GALNT13: variants seen among roughly 807,000 people sequenced by gnomAD.
The protein encoded by GALNT13 is polypeptide N-acetylgalactosaminyltransferase 13.
GALNT13 carries 28 observed loss-of-function variants against 64.2 expected under a neutral mutation model. That is an observed-to-expected ratio of 0.44 (90% CI 0.32 to 0.60). GALNT13 has a LOEUF of 0.60. Among genes scored for constraint, GALNT13 ranks in the 20% least tolerant of loss-of-function variants. GALNT13 has a pLI of 0.05. For missense variants in GALNT13, 577 were observed against 669.8 expected, an observed-to-expected ratio of 0.86 and a Z score of 1.53; for synonymous variants, 214 against 224.6, an observed-to-expected ratio of 0.95 and a Z score of 0.42.
chr2:153,975,317 T>C (rs1326457591), intron 3 of GALNT13, among the ~76,000 whole-genome samples: 1 of 152,060 alleles, frequency 6.6e-6, no homozygotes, highest in African/African-American at 2.4e-5. Flanking sequence ...GCTCCTTTTT[T>C]ACTGGTGCTT....
chr2:154,296,117 C>G (rs1295673499), intron 8 of GALNT13, among the ~76,000 whole-genome samples: 5 of 152,156 alleles, frequency 3.3e-5, no homozygotes, highest in Non-Finnish European at 5.9e-5. Context: ...CTCATTCTTT[C>G]TTTTCTATGT....
chr2:154,415,644 AATTGAATCTAATCTT>A (rs1366062903), intron 11 of GALNT13, among the ~76,000 whole-genome samples: 1 of 152,170 alleles, frequency 6.6e-6, no homozygotes, highest in East Asian at 1.9e-4. Flanking sequence ...TGATTACTTA[AATTGAATCTAATCTT>A]ATGACAGGTG....
the GALNT13 span, among the ~76,000 whole-genome samples, chr2:153,172,629 C>T: frequency 6.6e-6 from 1 of 152,232 alleles, no homozygotes; most frequent in East Asian, 1.9e-4. Flanking sequence ...AGTTGATAGC[C>T]AGCAGGGTCA....
intron 4 of GALNT13, among the ~76,000 whole-genome samples, chr2:154,239,588 C>G (rs1234898131): frequency 6.6e-6 from 1 of 152,094 alleles, no homozygotes; most frequent in Non-Finnish European, 1.5e-5. Flanking sequence ...CTTGGAGATA[C>G]AAGTCAAATG....
At chr2:153,502,809 G>A in the GALNT13 span, among the ~76,000 whole-genome samples, 1 of 152,036 alleles carries the variant, frequency 6.6e-6, no homozygotes, top group Admixed American at 6.6e-5. Flanking sequence ...ATCACATTGT[G>A]GTTTTCATTT....
chr2:154,059,976 G>C (rs988808544), intron 3 of GALNT13, among the ~76,000 whole-genome samples: 2 of 152,184 alleles, frequency 1.3e-5, no homozygotes, highest in African/African-American at 2.4e-5. Flanking sequence ...AATCCCTACT[G>C]TGATGGTATT....
At chr2:153,272,063 T>C in the GALNT13 span, among the ~76,000 whole-genome samples, 2 of 152,138 alleles carry the variant, frequency 1.3e-5, no homozygotes, top group African/African-American at 2.4e-5. Context: ...TGGCTAGCCA[T>C]ATGCAGAAAA....
At chr2:153,764,652 A>G in the GALNT13 span, among the ~76,000 whole-genome samples, 4 of 152,236 alleles carry the variant, frequency 2.6e-5, no homozygotes, top group African/African-American at 9.6e-5. Context: ...AGAAATTGGC[A>G]TAAGTAAGGA....
the GALNT13 span, among the ~76,000 whole-genome samples, chr2:153,570,966 G>A: frequency 2.0e-5 from 3 of 151,298 alleles, no homozygotes; most frequent in East Asian, 5.8e-4. Context: ...ATACATTTTA[G>A]TATTTTTTTT....
chr2:154,428,520 T>C (rs2105442047), intron 11 of GALNT13, among the ~76,000 whole-genome samples: 2 of 152,306 alleles, frequency 1.3e-5, no homozygotes, highest in South Asian at 4.1e-4. Flanking sequence ...TTAATAAAAA[T>C]AAAACAAAAA....
chr2:153,661,320 A>T, the GALNT13 span, among the ~76,000 whole-genome samples: 6 of 152,148 alleles, frequency 3.9e-5, no homozygotes, highest in African/African-American at 1.4e-4. Flanking sequence ...TTCTGGAGAA[A>T]GGCTACTCAG....
At chr2:153,559,333 C>T in the GALNT13 span, among the ~76,000 whole-genome samples, 18,684 of 152,088 alleles carry the variant, frequency 0.12, 1,486 homozygotes, top group African/African-American at 0.22. Context: ...TACGTCCTAA[C>T]GGTCTCCCCT....
At chr2:154,027,903 A>G (rs1389499806) in intron 3 of GALNT13, among the ~76,000 whole-genome samples, 4 of 152,204 alleles carry the variant, frequency 2.6e-5, no homozygotes, top group Non-Finnish European at 4.4e-5. Flanking sequence ...TATCTCATAT[A>G]TTATTACATA....
chr2:154,346,266 A>T (rs1202846122), intron 9 of GALNT13, among the ~76,000 whole-genome samples: 1 of 152,110 alleles, frequency 6.6e-6, no homozygotes, highest in Non-Finnish European at 1.5e-5. Flanking sequence ...GCTTTCCAAA[A>T]CTAAATAAAT....
At chr2:153,098,562 A>C in the GALNT13 span, among the ~76,000 whole-genome samples, 1 of 152,202 alleles carries the variant, frequency 6.6e-6, no homozygotes, top group Non-Finnish European at 1.5e-5. Context: ...TCATGACTTA[A>C]AAAAATTTAA....
chr2:154,309,620 C>T (rs1299050594), intron 9 of GALNT13, among the ~76,000 whole-genome samples: 4 of 152,140 alleles, frequency 2.6e-5, no homozygotes, highest in Non-Finnish European at 5.9e-5. Context: ...AGCAAGAACT[C>T]ACTCCATGAG....
At chr2:153,875,769 A>C (rs1378350872) in intron 1 of GALNT13, among the ~76,000 whole-genome samples, 4 of 152,198 alleles carry the variant, frequency 2.6e-5, no homozygotes, top group Admixed American at 1.3e-4. Flanking sequence ...TACTGTCTAA[A>C]ATAAATTATA....
the GALNT13 span, among the ~76,000 whole-genome samples, chr2:153,129,048 T>C: frequency 6.6e-6 from 1 of 152,152 alleles, no homozygotes; most frequent in East Asian, 1.9e-4. Flanking sequence ...AGGAATTTTT[T>C]AGATAAGAGT....
the GALNT13 span, among the ~76,000 whole-genome samples, chr2:153,854,417 T>C: frequency 2.6e-5 from 4 of 151,854 alleles, no homozygotes; most frequent in Non-Finnish European, 1.5e-5. Context: ...CCGTTTCTAC[T>C]AAAAATACAA....
Sources: gnomAD v4.1 joint callset for allele counts (sites outside exome capture counted in the v4.1 genomes callset) on GRCh38, gnomAD v4.1.1 for gene constraint, MANE v1.5 for transcripts, NCBI Gene and HGNC (gene_info 2026-07-23, HGNC 2026-07-21) for gene names.